COG5: variants seen among roughly 807,000 people sequenced by gnomAD.
COG5 encodes the protein conserved oligomeric Golgi complex subunit 5.
A neutral mutation model predicts 110.4 loss-of-function variants in COG5; 86 were observed. The observed-to-expected ratio is 0.78, with a 90% CI of 0.65 to 0.93. The LOEUF (loss-of-function observed/expected upper bound fraction) is 0.93, where lower values mean the gene tolerates loss of function less well. Among genes scored for constraint, COG5 ranks in the 40% least tolerant of loss-of-function variants. COG5 has a pLI of 0.00. For missense variants in COG5, 1,077 were observed against 987.0 expected (o/e 1.09, Z -1.22); for synonymous variants, 360 against 334.6 (o/e 1.08, Z -0.83).
chr7:107,420,136 G>T (rs934287073), intron 6 of COG5, among the ~76,000 whole-genome samples: 1 of 152,068 alleles, frequency 6.6e-6, no homozygotes, highest in Non-Finnish European at 1.5e-5. Context: ...ATGATAGAAA[G>T]AATACAGAAC....
chr7:107,447,553 A>G (rs1015639602), intron 6 of COG5, among the ~76,000 whole-genome samples: 1 of 152,236 alleles, frequency 6.6e-6, no homozygotes, highest in African/African-American at 2.4e-5. Flanking sequence ...TAAGGTGTTC[A>G]GTATATCACA....
At chr7:107,241,955 T>C (rs1012904216) in intron 17 of COG5, among the ~76,000 whole-genome samples, 1 of 152,080 alleles carries the variant, frequency 6.6e-6, no homozygotes, top group Admixed American at 6.5e-5. Context: ...CTAATTTTTG[T>C]ATTTTTTGTA....
chr7:107,237,481 G>C (rs1801290268), intron 17 of COG5, among the ~76,000 whole-genome samples: 1 of 152,198 alleles, frequency 6.6e-6, no homozygotes, highest in Non-Finnish European at 1.5e-5. Context: ...AGCAAGTTAA[G>C]TGTTTCCATA....
At chr7:107,219,325 C>A (rs1187454321) in intron 19 of COG5, among the ~76,000 whole-genome samples, 1 of 152,120 alleles carries the variant, frequency 6.6e-6, no homozygotes, top group African/African-American at 2.4e-5. Context: ...GACTTAGCAA[C>A]CCCACTTGAG....
At chr7:107,295,095 ATATATATTT>A (rs1305129105) in intron 12 of COG5, among the ~76,000 whole-genome samples, 3 of 75,840 alleles carry the variant, frequency 4.0e-5, no homozygotes, top group South Asian at 5.1e-4. Context: ...ATATATATAT[ATATATATTT>A]TTTTTTTTTT....
intron 6 of COG5, among the ~76,000 whole-genome samples, chr7:107,526,741 G>A (rs1800782791): frequency 2.6e-5 from 4 of 152,142 alleles, no homozygotes; most frequent in Admixed American, 2.6e-4. Flanking sequence ...CCCAAAACTT[G>A]AATAAATCTC....
At chr7:107,342,462 G>A (rs1180179882) in intron 10 of COG5, among the ~76,000 whole-genome samples, 2 of 151,542 alleles carry the variant, frequency 1.3e-5, no homozygotes, top group Non-Finnish European at 2.9e-5. Flanking sequence ...CGGATCACCT[G>A]AGGTCAGGAG....
intron 6 of COG5, among the ~76,000 whole-genome samples, chr7:107,445,217 GA>G (rs1794937340): frequency 6.6e-6 from 1 of 152,016 alleles, no homozygotes; most frequent in Non-Finnish European, 1.5e-5. Flanking sequence ...AAATGTTGTA[GA>G]AATGTAGCTA....
chr7:107,465,678 A>T (rs1796252825), intron 6 of COG5, among the ~76,000 whole-genome samples: 1 of 152,210 alleles, frequency 6.6e-6, no homozygotes, highest in Admixed American at 6.5e-5. Context: ...TACAGTCTTT[A>T]AGAATTATTA....
intron 6 of COG5, among the ~76,000 whole-genome samples, chr7:107,514,441 T>C (rs2129146774): frequency 1.3e-5 from 2 of 152,232 alleles, no homozygotes; most frequent in South Asian, 4.1e-4. Flanking sequence ...CACTTAATTA[T>C]AATATACATT....
chr7:107,214,616 A>C (rs1314130817), intron 19 of COG5, among the ~76,000 whole-genome samples: 1 of 152,234 alleles, frequency 6.6e-6, no homozygotes, highest in Non-Finnish European at 1.5e-5. Flanking sequence ...TACAAGGTTA[A>C]AAACTATTAA....
At chr7:107,506,531 C>T (rs563644019) in intron 6 of COG5, among the ~76,000 whole-genome samples, 1 of 152,284 alleles carries the variant, frequency 6.6e-6, no homozygotes, top group East Asian at 1.9e-4. Flanking sequence ...TATTAACTGT[C>T]TCTGCTGCAC....
intron 7 of COG5, among the ~76,000 whole-genome samples, chr7:107,386,760 G>C (rs1790238652): frequency 6.6e-6 from 1 of 152,144 alleles, no homozygotes; most frequent in South Asian, 2.1e-4. Context: ...TAAAGCTCTG[G>C]GAACAAGTAG....
intron 5 of COG5, among the ~76,000 whole-genome samples, chr7:107,538,776 ATAT>A (rs1299668588): frequency 4.6e-5 from 7 of 152,140 alleles, no homozygotes; most frequent in African/African-American, 1.7e-4. Context: ...GCACACACAA[ATAT>A]TATTTATGCA....
intron 6 of COG5, chr7:107,475,235 C>T (rs758382681): frequency 3.1e-6 from 5 of 1,609,568 alleles, no homozygotes; most frequent in Non-Finnish European, 3.4e-6. Flanking sequence ...ATAGTAGAAG[C>T]TGATCCCCTG....
intron 14 of COG5, among the ~76,000 whole-genome samples, chr7:107,280,716 GATT>G (rs1253031574): frequency 6.6e-6 from 1 of 151,914 alleles, no homozygotes; most frequent in African/African-American, 2.4e-5. Context: ...ATAGAATTAA[GATT>G]ATGATTCAAT....
intron 6 of COG5, among the ~76,000 whole-genome samples, chr7:107,486,190 G>A (rs938947253): frequency 1.3e-5 from 2 of 151,978 alleles, no homozygotes; most frequent in Non-Finnish European, 2.9e-5. Context: ...TTACCAGTAT[G>A]GAAGTGTATG....
At chr7:107,539,590 T>C (rs752139337) in intron 5 of COG5, among the ~76,000 whole-genome samples, 31 of 152,166 alleles carry the variant, frequency 2.0e-4, no homozygotes, top group Non-Finnish European at 3.4e-4. Context: ...AGTTTCTTTT[T>C]TGGGTAATGA....
At chr7:107,383,217 C>G (rs1250390962) in intron 7 of COG5, among the ~76,000 whole-genome samples, 1 of 152,164 alleles carries the variant, frequency 6.6e-6, no homozygotes, top group East Asian at 1.9e-4. Context: ...ACAGTTTCAC[C>G]TTAGCATTCA....
Sources: allele counts gnomAD v4.1 joint callset (sites outside exome capture counted in the v4.1 genomes callset), GRCh38; gene constraint gnomAD v4.1.1; transcripts MANE v1.5; gene names NCBI Gene and HGNC (gene_info 2026-07-23, HGNC 2026-07-21).